PARD3B: variants seen among roughly 807,000 people sequenced by gnomAD.
The protein encoded by PARD3B is par-3 family cell polarity regulator beta.
In PARD3B, 103 loss-of-function variants were observed where a neutral mutation model predicts 130.2. The observed-to-expected ratio is 0.79, with a 90% CI of 0.67 to 0.93. The LOEUF (loss-of-function observed/expected upper bound fraction) is 0.93, where lower values mean the gene tolerates loss of function less well. Among genes scored for constraint, PARD3B ranks in the 40% least tolerant of loss-of-function variants. The pLI is 0.00. For missense variants in PARD3B, 1,609 were observed against 1,499.2 expected, an observed-to-expected ratio of 1.07 and a Z score of -1.21; for synonymous variants, 583 against 553.2, an observed-to-expected ratio of 1.05 and a Z score of -0.76.
At position 205,568,658 on chromosome 2, in the gene PARD3B, T is replaced by C. The variant is rs2053450212; in HGVS notation, c.3260+15255T>C. On this transcript the variant is annotated intron_variant, in intron 22 of 22. Coordinates refer to ENST00000406610, the MANE Select transcript of PARD3B (RefSeq NM_001302769.2). This position sits in a 1 kb window ranked among gnomAD's most constrained non-coding sequence, Gnocchi z 5.3. ...GCTATACACACAGGCGAGGTAAAGT[T>C]CTACATGGATTTCAACATGTCATCT... Among the ~76,000 whole-genome samples the C allele has an allele frequency of 6.6e-6, 1 of 152,174 alleles. No homozygotes were observed. The highest frequency in any genetic ancestry group is 2.1e-4 in the South Asian group (1 of 4,834).
intron 3 of PARD3B, among the ~76,000 whole-genome samples, chr2:205,000,285 G>T (rs1439968374): frequency 6.6e-6 from 1 of 152,198 alleles, no homozygotes; most frequent in Non-Finnish European, 1.5e-5. Flanking sequence ...TGTTTTCAGT[G>T]TGGCCACGGC....
At chr2:204,874,012 G>A (rs1437058774) in intron 2 of PARD3B, among the ~76,000 whole-genome samples, 4 of 151,890 alleles carry the variant, frequency 2.6e-5, no homozygotes, top group African/African-American at 7.3e-5. Flanking sequence ...GCATGGTGGC[G>A]GGTACCTGTA....
Position 205,615,763 on chromosome 2 carries a change from T to C in PARD3B, c.3568T>C (p.Tyr1190His), listed in dbSNP as rs755466083. The C allele has an allele frequency of 3.1e-6, 5 of 1,613,824 alleles. No individual in the cohort carries two copies. Among genetic ancestry groups the C allele is most frequent in the South Asian group, 1.1e-5 (1 of 91,056 alleles). ...TGGGGGCAGCCCAGACCAGTACCCT[T>C]ACCGAACCCAGGATTCCCGGCAGAA... The part of the protein sequence containing the change: ...PRGGSPDQYP[Y>H]RTQDSRQKNP... Residue 1190 changes from tyrosine (Y) to histidine (H), a missense_variant, in exon 23 of 23, where the codon TAC becomes CAC. Physicochemically the swap from Tyr to His is moderately conservative, Grantham distance 83 (BLOSUM62 2). Transcript: ENST00000406610.
chr2:205,067,076 T>C (rs923501234), intron 4 of PARD3B, among the ~76,000 whole-genome samples: 3 of 142,184 alleles, frequency 2.1e-5, no homozygotes, highest in African/African-American at 7.7e-5. Flanking sequence ...CTTTGCATCT[T>C]GCATCCACTT....
At chr2:204,611,852 A>ATATC (rs757670952) in intron 1 of PARD3B, among the ~76,000 whole-genome samples, 7 of 18,778 alleles carry the variant, frequency 3.7e-4, no homozygotes, top group South Asian at 3.5e-3. Context: ...ATCTATATCT[A>ATATC]TATATATGTG....
chr2:204,909,259 G>C (rs146953637), intron 2 of PARD3B, among the ~76,000 whole-genome samples: 1 of 152,248 alleles, frequency 6.6e-6, no homozygotes, highest in East Asian at 1.9e-4. Flanking sequence ...TACATGGTTA[G>C]GTAGGCATCC....
At chr2:204,749,328 G>T (rs2040369771) in intron 2 of PARD3B, among the ~76,000 whole-genome samples, 1 of 152,216 alleles carries the variant, frequency 6.6e-6, no homozygotes, top group Non-Finnish European at 1.5e-5. Flanking sequence ...TTTGGTTTAG[G>T]ATAATAATTT....
Position 205,528,184 on chromosome 2 carries a change from G to C in PARD3B, c.3181-25140G>C, listed in dbSNP as rs527678121. 2.0e-5 allele frequency among the ~76,000 whole-genome samples: 3 copies of C among 152,222 alleles called. No homozygotes were observed. In the East Asian group the frequency reaches 5.8e-4, roughly 29 times the overall value. ...GTAGCCTCTCATGAAGCCTTCTCCA[G>C]CTGCTCCAGCCTCATCTCCCTCTCC... On this transcript the variant is annotated intron_variant, in intron 21 of 22. Coordinates refer to ENST00000406610, the MANE Select transcript of PARD3B (RefSeq NM_001302769.2).
chr2:204,810,860 T>C (rs2042937697), intron 2 of PARD3B, among the ~76,000 whole-genome samples: 2 of 152,294 alleles, frequency 1.3e-5, no homozygotes, highest in Middle Eastern at 3.4e-3. Context: ...CTTCAATTTT[T>C]TGGAATAGTT....
At chr2:205,499,607 T>C (rs116362479) in intron 20 of PARD3B, among the ~76,000 whole-genome samples, 4,046 of 152,200 alleles carry the variant, frequency 0.027, 97 homozygotes, top group Middle Eastern at 0.058. Context: ...AAGAAAAAAG[T>C]GGTGGGCCTT....
chr2:205,430,912 G>A (rs1240760450), intron 19 of PARD3B, among the ~76,000 whole-genome samples: 1 of 152,180 alleles, frequency 6.6e-6, no homozygotes, highest in Admixed American at 6.5e-5. Context: ...TGGAGTATTA[G>A]ATGATACCAA....
At chr2:204,674,671 C>A (rs1439207853) in intron 1 of PARD3B, among the ~76,000 whole-genome samples, 1 of 152,158 alleles carries the variant, frequency 6.6e-6, no homozygotes, top group African/African-American at 2.4e-5. Flanking sequence ...ATTCTCCTTT[C>A]TGTGTCTTAA....
At chr2:204,897,387 T>TTTTTTG (rs2046677644) in intron 2 of PARD3B, among the ~76,000 whole-genome samples, 2 of 149,950 alleles carry the variant, frequency 1.3e-5, no homozygotes, top group Non-Finnish European at 3.0e-5. Flanking sequence ...TAGGTACTGT[T>TTTTTTG]TTTTTTTTTT....
In PARD3B at chr2:205,308,668, T is replaced by C. The variant is rs77289122; in HGVS notation, c.2630+6967T>C. 8.6e-3 allele frequency among the ~76,000 whole-genome samples: 1,283 copies of C among 149,036 alleles called. 16 individuals are homozygous for C. Among genetic ancestry groups the C allele is most frequent in the African/African-American group, 0.03 (1,211 of 40,678 alleles). On this transcript the variant is annotated intron_variant, in intron 18 of 22. Transcript: ENST00000406610. Reference sequence around the variant, plus strand: ...AGACAAGCAAAATATTACATAAACATGTAAACTATTTGTAACAGTGGATTA... The same window carrying C: ...AGACAAGCAAAATATTACATAAACACGTAAACTATTTGTAACAGTGGATTA...
In PARD3B at chr2:204,675,211, TATTAA is replaced by T. The variant is rs1256554567; in HGVS notation, c.121-10965_121-10961del. 6.6e-6 allele frequency among the ~76,000 whole-genome samples: 1 copy of T among 152,216 alleles called. No individual in the cohort carries two copies. The highest frequency in any genetic ancestry group is 1.9e-4 in the East Asian group (1 of 5,204). ...ACTTTGAGTCATTGTTTTTCAATATTATTAAATTAGTAATGGTTCAGTGTTTTACG... is the reference window on the plus strand; with the variant it reads ...ACTTTGAGTCATTGTTTTTCAATATTATTAGTAATGGTTCAGTGTTTTACG... On this transcript the variant is annotated intron_variant, in intron 1 of 22. Transcript: ENST00000406610. This position sits in a 1 kb window ranked among gnomAD's most constrained non-coding sequence, Gnocchi z 4.4.
intron 21 of PARD3B, among the ~76,000 whole-genome samples, chr2:205,513,748 CGAA>C (rs2050680143): frequency 6.6e-6 from 1 of 151,824 alleles, no homozygotes; most frequent in Admixed American, 6.6e-5. Flanking sequence ...TCTGAGGAAT[CGAA>C]AGTGAATAAG....
At chr2:205,207,986 C>T (rs1326894174) in intron 15 of PARD3B, among the ~76,000 whole-genome samples, 1 of 85,750 alleles carries the variant, frequency 1.2e-5, no homozygotes, top group African/African-American at 5.4e-5. Flanking sequence ...ACTGGCAAAA[C>T]GAATCCAGCG....
chr2:204,642,247 A>G (rs1182414750), intron 1 of PARD3B, among the ~76,000 whole-genome samples: 2 of 152,174 alleles, frequency 1.3e-5, no homozygotes, highest in East Asian at 3.9e-4. Context: ...CTCAGGCATA[A>G]TAGCACAGAC....
intron 1 of PARD3B, among the ~76,000 whole-genome samples, chr2:204,549,519 A>G (rs1194952740): frequency 1.3e-5 from 2 of 152,208 alleles, no homozygotes; most frequent in Admixed American, 1.3e-4. Flanking sequence ...CATTTTAAAC[A>G]TTACAAATAC....
Sources: allele counts gnomAD v4.1 joint callset (sites outside exome capture counted in the v4.1 genomes callset), GRCh38; gene constraint gnomAD v4.1.1; non-coding constraint Gnocchi (gnomAD v3.1); transcripts MANE v1.5; gene names NCBI Gene and HGNC (gene_info 2026-07-23, HGNC 2026-07-21).